The following PRKG1 variants were observed in gnomAD, a reference collection of about 807,000 sequenced individuals.
The protein encoded by PRKG1 is cGMP-dependent protein kinase 1.
A neutral mutation model predicts 88.1 loss-of-function variants in PRKG1; 35 were observed. That is an observed-to-expected ratio of 0.40 (90% CI 0.30 to 0.53). PRKG1 has a LOEUF of 0.53. PRKG1 is among the 20% of genes least tolerant of loss of function. The probability of loss-of-function intolerance (pLI) is 0.59; values close to 1 mark genes in which losing one functional copy is unlikely to be tolerated. For missense variants in PRKG1, 540 were observed against 839.8 expected, an observed-to-expected ratio of 0.64 and a Z score of 4.41; for synonymous variants, 303 against 292.5, an observed-to-expected ratio of 1.04 and a Z score of -0.37.
intron 1 of PRKG1, among the ~76,000 whole-genome samples, chr10:51,116,402 C>G (rs1175422164): frequency 6.6e-6 from 1 of 152,110 alleles, no homozygotes; most frequent in Non-Finnish European, 1.5e-5. Context: ...CCTGAAGACA[C>G]GGCTTATTGG....
chr10:52,143,323 G>A (rs1837636770), intron 8 of PRKG1, among the ~76,000 whole-genome samples: 1 of 152,236 alleles, frequency 6.6e-6, no homozygotes, highest in East Asian at 1.9e-4. Context: ...TAGTTGTTTT[G>A]TGTTGCGGGG....
chr10:51,942,474 A>T (rs1454095206), intron 5 of PRKG1, among the ~76,000 whole-genome samples: 3 of 151,164 alleles, frequency 2.0e-5, no homozygotes, highest in Admixed American at 2.0e-4. Context: ...CCATTTGTCA[A>T]TTTTGGCTTT....
At chr10:51,942,438 C>T (rs1325520701) in intron 5 of PRKG1, among the ~76,000 whole-genome samples, 1 of 150,622 alleles carries the variant, frequency 6.6e-6, no homozygotes, top group African/African-American at 2.4e-5. Context: ...TTTTGCTGTG[C>T]AGAAGCTCTT....
chr10:51,276,059 C>T (rs1840108814), intron 2 of PRKG1, among the ~76,000 whole-genome samples: 1 of 151,856 alleles, frequency 6.6e-6, no homozygotes, highest in African/African-American at 2.4e-5. Context: ...TGGTGTGCTG[C>T]ACCCACTAAC....
intron 5 of PRKG1, among the ~76,000 whole-genome samples, chr10:52,020,962 A>G (rs1243012989): frequency 6.6e-6 from 1 of 152,120 alleles, no homozygotes; most frequent in Non-Finnish European, 1.5e-5. Context: ...CTGCCAATTT[A>G]TCACTTTTAG....
chr10:51,954,330 T>G (rs1843253865), intron 5 of PRKG1, among the ~76,000 whole-genome samples: 1 of 152,214 alleles, frequency 6.6e-6, no homozygotes, highest in African/African-American at 2.4e-5. Flanking sequence ...TTTGCTTTTC[T>G]GATTTTGCCT....
chr10:51,350,307 G>A (rs559421024), intron 2 of PRKG1, among the ~76,000 whole-genome samples: 5 of 152,286 alleles, frequency 3.3e-5, no homozygotes, highest in Non-Finnish European at 7.4e-5. Flanking sequence ...AGATGATAAA[G>A]GAACCCAGAG....
intron 2 of PRKG1, among the ~76,000 whole-genome samples, chr10:51,392,795 C>A (rs1312047178): frequency 6.8e-6 from 1 of 147,424 alleles, no homozygotes; most frequent in Non-Finnish European, 1.5e-5. Flanking sequence ...GACGGGGCGG[C>A]TGGCCGGGCG....
chr10:51,012,920 T>C (rs1370711626), intron 1 of PRKG1, among the ~76,000 whole-genome samples: 1 of 152,188 alleles, frequency 6.6e-6, no homozygotes, highest in East Asian at 1.9e-4. Context: ...TGTTCTAACA[T>C]TGGGAAATCA....
At chr10:51,011,540 T>C (rs921545300) in intron 1 of PRKG1, among the ~76,000 whole-genome samples, 1 of 152,240 alleles carries the variant, frequency 6.6e-6, no homozygotes, top group Non-Finnish European at 1.5e-5. Context: ...AGGATTTGTC[T>C]ATAAGTAATT....
intron 2 of PRKG1, among the ~76,000 whole-genome samples, chr10:51,239,603 C>T (rs574374174): frequency 6.6e-6 from 1 of 152,080 alleles, no homozygotes; most frequent in South Asian, 2.1e-4. Flanking sequence ...CGGCGCACCC[C>T]CCTCAACACT....
At chr10:52,047,727 C>A (rs933407989) in intron 5 of PRKG1, among the ~76,000 whole-genome samples, 12 of 152,066 alleles carry the variant, frequency 7.9e-5, no homozygotes, top group Admixed American at 7.9e-4. Context: ...ATGAAAAGGT[C>A]TTGCCTTTGG....
chr10:51,071,388 AT>A (rs1312268499), upstream of PRKG1, among the ~76,000 whole-genome samples: 1 of 152,230 alleles, frequency 6.6e-6, no homozygotes, highest in East Asian at 1.9e-4. Flanking sequence ...ATTATAAAGC[AT>A]TTAAGGGGAA....
At chr10:52,278,388 T>C (rs973677007) in intron 12 of PRKG1, among the ~76,000 whole-genome samples, 2 of 152,170 alleles carry the variant, frequency 1.3e-5, no homozygotes, top group Non-Finnish European at 2.9e-5. Context: ...AATTCAACCA[T>C]TGTGGACAGT....
intron 1 of PRKG1, among the ~76,000 whole-genome samples, chr10:51,105,614 A>G (rs1179419469): frequency 6.6e-6 from 1 of 152,224 alleles, no homozygotes; most frequent in East Asian, 1.9e-4. Context: ...TAACTTAACA[A>G]AGGAATAAAT....
At chr10:51,560,216 A>T (rs897053606) in intron 3 of PRKG1, among the ~76,000 whole-genome samples, 1 of 152,026 alleles carries the variant, frequency 6.6e-6, no homozygotes, top group East Asian at 1.9e-4. Context: ...CCTGAGTGGG[A>T]TCTGTGCAAA....
At chr10:52,150,647 C>A (rs541985385) in intron 8 of PRKG1, among the ~76,000 whole-genome samples, 2 of 152,176 alleles carry the variant, frequency 1.3e-5, no homozygotes, top group South Asian at 4.1e-4. Flanking sequence ...AATAAAAAGT[C>A]CAGTAATTGA....
At chr10:51,216,521 C>T (rs1466724395) in intron 2 of PRKG1, among the ~76,000 whole-genome samples, 5 of 152,084 alleles carry the variant, frequency 3.3e-5, no homozygotes, top group African/African-American at 9.7e-5. Flanking sequence ...TTTAAAAAAC[C>T]CGAATATAAC....
At chr10:52,280,700 A>G in intron 12 of PRKG1, 89 bp from the exon 13 acceptor site, 1 of 1,422,766 alleles carries the variant, frequency 7.0e-7, no homozygotes, top group Non-Finnish European at 9.6e-7. Flanking sequence ...ATTTTGGCAA[A>G]GGAATATAGT....
Sources: allele counts gnomAD v4.1 joint callset (sites outside exome capture counted in the v4.1 genomes callset), GRCh38; gene constraint gnomAD v4.1.1; transcripts MANE v1.5; gene names NCBI Gene and HGNC (gene_info 2026-07-23, HGNC 2026-07-21).